The following NKAIN2 variants were observed in gnomAD, a reference collection of about 807,000 sequenced individuals.
The protein encoded by NKAIN2 is sodium/potassium-transporting ATPase subunit beta-1-interacting protein 2.
NKAIN2 carries 14 observed loss-of-function variants against 32.6 expected under a neutral mutation model. The observed-to-expected ratio is 0.43, with a 90% CI of 0.28 to 0.67. The LOEUF is 0.67. NKAIN2 is among the 30% of genes least tolerant of loss of function. NKAIN2 has a pLI of 0.17. For synonymous variants in NKAIN2, 80 were observed against 87.2 expected (o/e 0.92, Z 0.46); for missense variants, 198 against 258.3 (o/e 0.77, Z 1.60).
intron 3 of NKAIN2, among the ~76,000 whole-genome samples, chr6:124,580,595 A>G (rs1781484773): frequency 6.6e-6 from 1 of 152,206 alleles, no homozygotes; most frequent in African/African-American, 2.4e-5. Flanking sequence ...GGAAAGAAGG[A>G]AGATAAGACC....
chr6:124,299,362 C>T (rs577447498), intron 2 of NKAIN2, among the ~76,000 whole-genome samples: 18 of 152,234 alleles, frequency 1.2e-4, no homozygotes, highest in African/African-American at 4.1e-4. Context: ...CTGATAGAAA[C>T]TCAGGACTTT....
intron 1 of NKAIN2, among the ~76,000 whole-genome samples, chr6:123,967,534 A>C (rs1263445782): frequency 1.3e-5 from 2 of 152,122 alleles, no homozygotes; most frequent in Non-Finnish European, 2.9e-5. Flanking sequence ...TCATGTCCTC[A>C]TCATATTTCC....
intron 2 of NKAIN2, among the ~76,000 whole-genome samples, chr6:124,340,464 A>G (rs1230572353): frequency 6.6e-6 from 1 of 151,968 alleles, no homozygotes; most frequent in Non-Finnish European, 1.5e-5. Context: ...TGTACATATT[A>G]TTTCATCACC....
chr6:124,300,848 G>C (rs915440308), intron 2 of NKAIN2, among the ~76,000 whole-genome samples: 13 of 152,114 alleles, frequency 8.5e-5, no homozygotes, highest in African/African-American at 3.1e-4. Context: ...AAATTTCTAG[G>C]TGTCAAAGTG....
intron 1 of NKAIN2, among the ~76,000 whole-genome samples, chr6:123,823,964 T>C (rs1164286503): frequency 6.6e-6 from 1 of 152,182 alleles, no homozygotes. Flanking sequence ...TAGCATATTC[T>C]TTAAGAAATT....
chr6:124,177,616 T>C (rs1789225259), intron 1 of NKAIN2, among the ~76,000 whole-genome samples: 1 of 152,182 alleles, frequency 6.6e-6, no homozygotes, highest in Non-Finnish European at 1.5e-5. Context: ...TACATTGTTA[T>C]GGTTGAAAGT....
At chr6:123,987,897 G>A (rs535526387) in intron 1 of NKAIN2, among the ~76,000 whole-genome samples, 1 of 152,150 alleles carries the variant, frequency 6.6e-6, no homozygotes, top group Non-Finnish European at 1.5e-5. Context: ...ATATTCATAG[G>A]TGTCTTTCAC....
intron 3 of NKAIN2, among the ~76,000 whole-genome samples, chr6:124,515,338 G>A (rs778132093): frequency 1.7e-4 from 26 of 152,002 alleles, no homozygotes; most frequent in Non-Finnish European, 2.9e-4. Flanking sequence ...GAGGGCCACA[G>A]GCTGCTTCCA....
chr6:124,359,983 G>A (rs1799196840), intron 3 of NKAIN2, among the ~76,000 whole-genome samples: 1 of 152,132 alleles, frequency 6.6e-6, no homozygotes, highest in South Asian at 2.1e-4. Flanking sequence ...TTAGCATGAA[G>A]GGTTGTTGAA....
At chr6:124,018,103 C>T (rs1780676319) in intron 1 of NKAIN2, among the ~76,000 whole-genome samples, 1 of 152,178 alleles carries the variant, frequency 6.6e-6, no homozygotes, top group Non-Finnish European at 1.5e-5. Flanking sequence ...TTTCTGTGCA[C>T]TCACAGGCTC....
intron 4 of NKAIN2, among the ~76,000 whole-genome samples, chr6:124,667,213 G>A (rs188731624): frequency 1.3e-3 from 194 of 152,152 alleles, no homozygotes; most frequent in African/African-American, 4.3e-3. Context: ...CTAAGGAAAT[G>A]TTTGGAAACA....
intron 3 of NKAIN2, among the ~76,000 whole-genome samples, chr6:124,554,127 T>A (rs1047775739): frequency 6.6e-5 from 10 of 152,232 alleles, no homozygotes; most frequent in Admixed American, 5.2e-4. Flanking sequence ...GATTATTGTC[T>A]TTGCTAAACT....
chr6:124,647,496 C>CAAA (rs1157607122), intron 3 of NKAIN2, among the ~76,000 whole-genome samples: 664 of 58,928 alleles, frequency 0.011, 80 homozygotes, highest in African/African-American at 0.042. Context: ...GAGACTCTGT[C>CAAA]AAAAAAAAAA....
chr6:124,038,388 T>A (rs928798264), intron 1 of NKAIN2, among the ~76,000 whole-genome samples: 1 of 152,010 alleles, frequency 6.6e-6, no homozygotes, highest in Admixed American at 6.6e-5. Flanking sequence ...ATAATTTCTG[T>A]ATTTTTAGTA....
chr6:124,643,419 T>C (rs1784061058), intron 3 of NKAIN2, among the ~76,000 whole-genome samples: 1 of 152,192 alleles, frequency 6.6e-6, no homozygotes. Context: ...CTCTTTCAGG[T>C]TCCAGCTAGA....
At chr6:124,355,014 G>A (rs1190415443) in intron 2 of NKAIN2, among the ~76,000 whole-genome samples, 1 of 150,338 alleles carries the variant, frequency 6.7e-6, no homozygotes, top group Non-Finnish European at 1.5e-5. Flanking sequence ...AGGTTACAGT[G>A]AGCCGAGATC....
chr6:124,483,137 G>T (rs1193135117), intron 3 of NKAIN2, among the ~76,000 whole-genome samples: 1 of 151,844 alleles, frequency 6.6e-6, no homozygotes, highest in Non-Finnish European at 1.5e-5. Context: ...AAGGAAATGT[G>T]GTAAGCAAAT....
chr6:124,072,917 A>G (rs918937108), intron 1 of NKAIN2, among the ~76,000 whole-genome samples: 11 of 152,144 alleles, frequency 7.2e-5, no homozygotes, highest in Non-Finnish European at 1.3e-4. Context: ...AGTTGAATTC[A>G]AGGTTCCTTA....
At chr6:124,165,696 G>A (rs1057116278) in intron 1 of NKAIN2, among the ~76,000 whole-genome samples, 2 of 141,594 alleles carry the variant, frequency 1.4e-5, no homozygotes, top group African/African-American at 5.3e-5. Context: ...TCCCCAGAGT[G>A]TGATGTTCCC....
Sources: gnomAD v4.1 joint callset for allele counts (sites outside exome capture counted in the v4.1 genomes callset) on GRCh38, gnomAD v4.1.1 for gene constraint, MANE v1.5 for transcripts, NCBI Gene and HGNC (gene_info 2026-07-23, HGNC 2026-07-21) for gene names.